The following NME7 variants were observed in gnomAD, a reference collection of about 807,000 sequenced individuals.
NME7 encodes the protein NME/NM23 family member 7.
In NME7, 41 loss-of-function variants were observed where a neutral mutation model predicts 49.1. The observed-to-expected ratio is 0.83, with a 90% CI of 0.65 to 1.08. The LOEUF (loss-of-function observed/expected upper bound fraction) is 1.08. NME7 is among the 50% of genes least tolerant of loss of function. The probability of loss-of-function intolerance (pLI) is 0.00; values close to 1 mark genes in which losing one functional copy is unlikely to be tolerated. For missense variants in NME7, 423 were observed against 463.4 expected, an observed-to-expected ratio of 0.91 and a Z score of 0.80; for synonymous variants, 139 against 150.6, an observed-to-expected ratio of 0.92 and a Z score of 0.56.
intron 11 of NME7, among the ~76,000 whole-genome samples, chr1:169,154,063 G>C (rs1016502819): frequency 1.3e-5 from 2 of 152,028 alleles, no homozygotes; most frequent in East Asian, 3.9e-4. Context: ...CATCCAGCTG[G>C]AGTACAGTGG....
At position 169,168,543 on chromosome 1, in the gene NME7, C is replaced by T. The variant is rs185157320; in HGVS notation, c.1098+904G>A. ...AACTCCTGGCTTCAAGCAATCCTCC[C>T]ACTTAAGCCTCCCAAGTTGCTGGGA... On this transcript the variant is annotated intron_variant, in intron 11 of 11. Coordinates refer to ENST00000367811, the MANE Select transcript of NME7 (RefSeq NM_013330.5). Among the ~76,000 whole-genome samples the T allele has an allele frequency of 3.5e-4, 53 of 152,284 alleles. No individual in the cohort carries two copies. The East Asian group carries it at 9.3e-3, about 27-fold the overall frequency.
chr1:169,315,536 G>A (rs1004519504), intron 3 of NME7, among the ~76,000 whole-genome samples: 1 of 152,082 alleles, frequency 6.6e-6, no homozygotes, highest in East Asian at 1.9e-4. Flanking sequence ...AAAGTGCTGG[G>A]ATTACAAGCG....
At chr1:169,198,967 C>G (rs543927213) in intron 10 of NME7, among the ~76,000 whole-genome samples, 1 of 152,134 alleles carries the variant, frequency 6.6e-6, no homozygotes, top group African/African-American at 2.4e-5. Context: ...AGACAGGCCA[C>G]CTAGGTAATT....
At chr1:169,253,527 C>T (rs1648739792) in intron 7 of NME7, among the ~76,000 whole-genome samples, 1 of 152,112 alleles carries the variant, frequency 6.6e-6, no homozygotes, top group South Asian at 2.1e-4. Flanking sequence ...ATTTGACTTC[C>T]TCTTTTCCTA....
intron 10 of NME7, among the ~76,000 whole-genome samples, chr1:169,180,011 A>G (rs1659879724): frequency 6.6e-6 from 1 of 151,540 alleles, no homozygotes; most frequent in Non-Finnish European, 1.5e-5. Flanking sequence ...GAAAGAAACA[A>G]TGGGTCTAAC....
intron 10 of NME7, among the ~76,000 whole-genome samples, chr1:169,226,174 G>A (rs1454026770): frequency 6.6e-6 from 1 of 152,102 alleles, no homozygotes; most frequent in Non-Finnish European, 1.5e-5. Flanking sequence ...AGGCAATGAA[G>A]AAATGAATTT....
chr1:169,133,690 T>TG (rs1453749437), intron 11 of NME7, among the ~76,000 whole-genome samples: 1 of 152,216 alleles, frequency 6.6e-6, no homozygotes, highest in East Asian at 1.9e-4. Flanking sequence ...TTAGGAGACT[T>TG]CAGTAGTTGA....
rs779625329 is a variant in NME7 at position 169,269,908 on chromosome 1, C to T, written c.754+17395G>A. Among the ~76,000 whole-genome samples the T allele has an allele frequency of 1.8e-4, 24 of 133,628 alleles. 5 individuals are homozygous for T. The highest frequency in any genetic ancestry group is 1.5e-4 in the Admixed American group (2 of 13,542). 87.7% of individuals were successfully genotyped at this position (133,628 alleles called of 152,430 possible). A position where few individuals can be genotyped will look rare whatever the true frequency, so the allele number is the denominator to read the frequency against. Reference sequence around the variant, plus strand: ...AAACACAACATCAAGGTATAGAATACAATTTCCAATTTATTTATTTTTCTC... The same window carrying T: ...AAACACAACATCAAGGTATAGAATATAATTTCCAATTTATTTATTTTTCTC... On this transcript the variant is annotated intron_variant, in intron 7 of 11. Coordinates refer to ENST00000367811, the MANE Select transcript of NME7 (RefSeq NM_013330.5).
intron 3 of NME7, among the ~76,000 whole-genome samples, 166 bp from the exon 4 acceptor site, chr1:169,310,246 A>T (rs904072157): frequency 2.0e-5 from 3 of 152,180 alleles, no homozygotes; most frequent in Non-Finnish European, 4.4e-5. Flanking sequence ...TACACAAAGT[A>T]AGCTTAGTAT....
chr1:169,155,400 C>T (rs1286345195), intron 11 of NME7, among the ~76,000 whole-genome samples: 3 of 152,158 alleles, frequency 2.0e-5, no homozygotes, highest in Admixed American at 6.5e-5. Flanking sequence ...TTCTCACTGA[C>T]GTTGTTTGGA....
Position 169,264,539 on chromosome 1 carries a change from T to C in NME7, c.754+22764A>G, listed in dbSNP as rs904107143. ...GGTAAAGGGTCCAATTCAACAATTC[T>C]TAAATCCTAAAAATTTAGGATTCAA... On this transcript the variant is annotated intron_variant, in intron 7 of 11. Transcript: ENST00000367811. Among the ~76,000 whole-genome samples, 13 of 132,876 alleles carry C rather than the reference T, an allele frequency of 9.8e-5. 2 individuals are homozygous for C. The highest frequency in any genetic ancestry group is 9.5e-4 in the Admixed American group (13 of 13,658). The allele number at this position is 132,876 out of a possible 152,430, so 87.2% of individuals were successfully genotyped here. A position where few individuals can be genotyped will look rare whatever the true frequency, so the allele number is the denominator to read the frequency against.
intron 10 of NME7, among the ~76,000 whole-genome samples, chr1:169,198,389 C>T (rs73035344): frequency 0.025 from 3,874 of 152,058 alleles, 140 homozygotes; most frequent in African/African-American, 0.086. Context: ...AACATATATT[C>T]CCACAAAAAC....
intron 10 of NME7, among the ~76,000 whole-genome samples, chr1:169,203,450 A>C (rs1457289902): frequency 6.6e-6 from 1 of 152,088 alleles, no homozygotes; most frequent in Non-Finnish European, 1.5e-5. Context: ...TCTGGGTGAT[A>C]CCTCACAATG....
chr1:169,364,024 A>C (rs1653759267), intron 1 of NME7, among the ~76,000 whole-genome samples: 1 of 152,210 alleles, frequency 6.6e-6, no homozygotes, highest in South Asian at 2.1e-4. Context: ...ATTCTATTCC[A>C]TTTTCTTCAT....
chr1:169,168,780 T>C lies in NME7; in HGVS notation c.1098+667A>G, dbSNP rs1571259701. On this transcript the variant is annotated intron_variant, in intron 11 of 11. Transcript: ENST00000367811. ...GTCGATTAACACATAAATAGACTAGTATCTATATATATGTTATGCACTCAT... is the reference window on the plus strand; with the variant it reads ...GTCGATTAACACATAAATAGACTAGCATCTATATATATGTTATGCACTCAT... 1.4e-5 allele frequency: 6 copies of C among 435,710 alleles called. No individual in the cohort carries two copies. In the East Asian group the frequency reaches 4.2e-4, roughly 30 times the overall value. The allele number at this position is 435,710 out of a possible 1,614,324, so 27.0% of individuals were successfully genotyped here. A position where few individuals can be genotyped will look rare whatever the true frequency, so the allele number is the denominator to read the frequency against.
At chr1:169,265,085 A>T (rs1649278977) in intron 7 of NME7, among the ~76,000 whole-genome samples, 1 of 132,822 alleles carries the variant, frequency 7.5e-6, no homozygotes, top group African/African-American at 2.5e-5. Flanking sequence ...GTGTGGGGGT[A>T]ACTGCTACCA....
At chr1:169,247,242 A>G (rs1558005783) in intron 7 of NME7, among the ~76,000 whole-genome samples, 2 of 152,332 alleles carry the variant, frequency 1.3e-5, no homozygotes, top group East Asian at 1.9e-4. Context: ...TATGAAGTCT[A>G]AAGTCAAAGT....
intron 10 of NME7, among the ~76,000 whole-genome samples, chr1:169,221,238 C>T (rs1279042193): frequency 2.6e-5 from 4 of 152,206 alleles, no homozygotes; most frequent in Admixed American, 1.3e-4. Flanking sequence ...TTATAACTTC[C>T]ACTCTTGTCT....
intron 11 of NME7, among the ~76,000 whole-genome samples, chr1:169,153,860 G>A (rs1194918912): frequency 7.2e-6 from 1 of 138,266 alleles, no homozygotes; most frequent in Non-Finnish European, 1.6e-5. Context: ...CACCATGCTC[G>A]GCTAATTTTT....
Sources: allele counts gnomAD v4.1 joint callset (sites outside exome capture counted in the v4.1 genomes callset), GRCh38; gene constraint gnomAD v4.1.1; transcripts MANE v1.5; gene names NCBI Gene and HGNC (gene_info 2026-07-23, HGNC 2026-07-21).